Variants in TNKS observed in about 807,000 individuals in gnomAD.
TNKS encodes tankyrase.
In TNKS, 72 loss-of-function variants were observed where a neutral mutation model predicts 135.8. The ratio of observed to expected loss-of-function variants is 0.53; its 90% confidence interval spans 0.44 to 0.64. TNKS has a LOEUF of 0.64. Ranked by LOEUF, TNKS falls within the 30% of genes least tolerant of loss-of-function variation. The probability of loss-of-function intolerance (pLI) is 0.00; values close to 1 mark genes in which losing one functional copy is unlikely to be tolerated. For synonymous variants in TNKS, 849 were observed against 649.3 expected, an observed-to-expected ratio of 1.31 and a Z score of -4.68; for missense variants, 1,769 against 1,674.0, an observed-to-expected ratio of 1.06 and a Z score of -0.99.
intron 2 of TNKS, among the ~76,000 whole-genome samples, chr8:9,613,330 G>GA (rs2128764473): frequency 6.6e-6 from 1 of 152,260 alleles, no homozygotes; most frequent in East Asian, 1.9e-4. Flanking sequence ...GGATTGTCAT[G>GA]CTCCCTGACC....
intron 3 of TNKS, among the ~76,000 whole-genome samples, chr8:9,677,330 AG>A (rs1204465970): frequency 7.2e-5 from 11 of 152,216 alleles, no homozygotes; most frequent in Non-Finnish European, 1.5e-4. Context: ...TTATCCGGGA[AG>A]GAATAGCATT....
chr8:9,725,626 A>T (rs994454876), intron 12 of TNKS, among the ~76,000 whole-genome samples: 1 of 152,172 alleles, frequency 6.6e-6, no homozygotes, highest in Non-Finnish European at 1.5e-5. Flanking sequence ...TCACTTTATA[A>T]GGGCAAAAAC....
At chr8:9,665,957 T>C (rs74301626) in intron 3 of TNKS, among the ~76,000 whole-genome samples, 3,467 of 152,244 alleles carry the variant, frequency 0.023, 67 homozygotes, top group South Asian at 0.073. Context: ...TCTTCTCTCT[T>C]CTTCCTCCCC....
At chr8:9,721,298 T>TTTTATATATATATATATATATA (rs140410610) in intron 12 of TNKS, among the ~76,000 whole-genome samples, 6 of 118,154 alleles carry the variant, frequency 5.1e-5, no homozygotes, top group Non-Finnish European at 8.9e-5. Context: ...AATAAATAAA[T>TTTTATATATATATATATATATA]TATATATATA....
intron 14 of TNKS, 104 bp downstream of exon 14, chr8:9,731,139 TTATTTTTTGTTTAAA>T: frequency 7.7e-7 from 1 of 1,297,262 alleles, no homozygotes; most frequent in Non-Finnish European, 1.0e-6. Flanking sequence ...AAAGTAATCG[TTATTTTTTGTTTAAA>T]ACATAAATTA....
rs548639718 is a variant in TNKS, at chr8:9,665,155, G to A, written c.995-14796G>A. On this transcript the variant is annotated intron_variant, in intron 3 of 26. Transcript: ENST00000310430. ...CCCTCCTTTTTAAAATTCTGTTGAC[G>A]TAAGTTTCCATTTGCTGTTTTGAAA... Among the ~76,000 whole-genome samples the A allele has an allele frequency of 3.9e-4, 60 of 152,154 alleles. No homozygotes were observed. The Middle Eastern group carries it at 0.01, about 26-fold the overall frequency.
chr8:9,721,939 G>C lies in TNKS; in HGVS notation c.1921+1394G>C, dbSNP rs534479211. Among the ~76,000 whole-genome samples the C allele has an allele frequency of 4.6e-5, 7 of 152,034 alleles. No homozygotes were observed. In the South Asian group the frequency reaches 1.5e-3, roughly 32 times the overall value. On this transcript the variant is annotated intron_variant, in intron 12 of 26. Transcript: ENST00000310430. Reference sequence around the variant, plus strand: ...GTGGTGGTGCGTGCCTGTAATTCCAGCTACTCGGGAGCCTGAGGCAGGAGA... The same window carrying C: ...GTGGTGGTGCGTGCCTGTAATTCCACCTACTCGGGAGCCTGAGGCAGGAGA...
intron 22 of TNKS, among the ~76,000 whole-genome samples, chr8:9,763,890 T>A (rs1236491719): frequency 6.6e-6 from 1 of 152,054 alleles, no homozygotes; most frequent in Non-Finnish European, 1.5e-5. Context: ...TGCCTAATTC[T>A]TGTTTGTTTG....
intron 1 of TNKS, among the ~76,000 whole-genome samples, chr8:9,576,021 C>G (rs1182388998): frequency 6.6e-6 from 1 of 152,132 alleles, no homozygotes; most frequent in Admixed American, 6.5e-5. Flanking sequence ...CCTCCCACAC[C>G]TTCTGTAGAA....
intron 3 of TNKS, among the ~76,000 whole-genome samples, chr8:9,673,827 AACTT>A (rs1393396561): frequency 6.6e-6 from 1 of 152,124 alleles, no homozygotes; most frequent in Non-Finnish European, 1.5e-5. Context: ...CTCAAATAAT[AACTT>A]CGTAGTTTGT....
At chr8:9,606,949 C>T (rs144859770) in intron 2 of TNKS, among the ~76,000 whole-genome samples, 5 of 152,082 alleles carry the variant, frequency 3.3e-5, no homozygotes, top group Non-Finnish European at 2.9e-5. Flanking sequence ...AAGATTGTCT[C>T]TTCTGCAGAC....
chr8:9,736,335 T>C (rs1232527963), intron 17 of TNKS, among the ~76,000 whole-genome samples: 1 of 120,070 alleles, frequency 8.3e-6, no homozygotes, highest in Non-Finnish European at 1.6e-5. Flanking sequence ...CTGATCAACA[T>C]AGTGAGACCT....
chr8:9,731,655 T>G (rs11784704), intron 14 of TNKS, among the ~76,000 whole-genome samples: 1 of 151,506 alleles, frequency 6.6e-6, no homozygotes, highest in African/African-American at 2.4e-5. Context: ...TGGTGGTGCC[T>G]TCCTATATGG....
At chr8:9,637,378 T>C (rs546050755) in intron 3 of TNKS, among the ~76,000 whole-genome samples, 8 of 152,344 alleles carry the variant, frequency 5.3e-5, no homozygotes, top group African/African-American at 1.9e-4. Flanking sequence ...AACATTGCTC[T>C]TTATAATTCT....
intron 3 of TNKS, among the ~76,000 whole-genome samples, chr8:9,651,906 C>CT (rs2128781471): frequency 6.6e-6 from 1 of 152,250 alleles, no homozygotes; most frequent in East Asian, 1.9e-4. Context: ...ACATATTATC[C>CT]TTCACTCGAG....
chr8:9,727,969 G>C (rs1314865162), intron 13 of TNKS, among the ~76,000 whole-genome samples: 1 of 152,060 alleles, frequency 6.6e-6, no homozygotes, highest in Non-Finnish European at 1.5e-5. Context: ...TCTAATAAAA[G>C]AAAATTCTTA....
intron 1 of TNKS, 117 bp downstream of exon 1, chr8:9,556,729 T>A: frequency 8.7e-7 from 1 of 1,155,824 alleles, no homozygotes; most frequent in Non-Finnish European, 1.2e-6. Context: ...TGGTTCTTCA[T>A]CACCTCACCA....
intron 26 of TNKS, among the ~76,000 whole-genome samples, chr8:9,772,098 A>G (rs1056781711): frequency 6.9e-6 from 1 of 145,926 alleles, no homozygotes; most frequent in Non-Finnish European, 1.5e-5. Context: ...AGGGAGGGAG[A>G]AACAGGGAAG....
At chr8:9,722,498 T>C (rs1024691287) in intron 12 of TNKS, 1 of 149,564 alleles carries the variant, frequency 6.7e-6, no homozygotes, top group Admixed American at 6.7e-5. Context: ...ACTATCAACA[T>C]GAGTAAGATC....
Sources: allele counts gnomAD v4.1 joint callset (sites outside exome capture counted in the v4.1 genomes callset), GRCh38; gene constraint gnomAD v4.1.1; transcripts MANE v1.5; gene names NCBI Gene and HGNC (gene_info 2026-07-23, HGNC 2026-07-21).